CHRM5: variants seen among roughly 807,000 people sequenced by gnomAD.
CHRM5 encodes the protein cholinergic receptor muscarinic 5.
In CHRM5, 18 loss-of-function variants were observed where a neutral mutation model predicts 39.0. The ratio of observed to expected loss-of-function variants is 0.46; its 90% CI spans 0.32 to 0.68. The LOEUF is 0.68. Ranked by LOEUF, CHRM5 falls within the 30% of genes least tolerant of loss-of-function variation. The probability of loss-of-function intolerance (pLI) is 0.04; values close to 1 mark genes in which losing one functional copy is unlikely to be tolerated. For synonymous variants in CHRM5, 241 were observed against 246.3 expected (o/e 0.98, Z 0.20); for missense variants, 515 against 651.1 (o/e 0.79, Z 2.28).
In CHRM5 at chr15:34,067,378, T is replaced by C. The variant is rs987531421; in HGVS notation, c.*3062T>C. On this transcript the variant is annotated 3_prime_UTR_variant, in exon 3 of 3. Coordinates refer to ENST00000383263, the MANE Select transcript of CHRM5 (RefSeq NM_012125.4). ...CAGTTGTCTACTGTAAATACTGGAA[T>C]TACAGCAAAGGATATGGGGACTGGG... The C allele has an allele frequency of 3.3e-5, 5 of 152,212 alleles. No individual in the cohort carries two copies. Among genetic ancestry groups the C allele is most frequent in the African/African-American group, 1.2e-4 (5 of 41,454 alleles). The allele number at this position is 152,212 out of a possible 1,614,324, so 9.4% of individuals were successfully genotyped here. A position where few individuals can be genotyped will look rare whatever the true frequency, so the allele number is the denominator to read the frequency against.
intron 1 of CHRM5, among the ~76,000 whole-genome samples, chr15:34,007,918 T>A (rs1223997739): frequency 1.3e-5 from 2 of 152,192 alleles, no homozygotes; most frequent in Non-Finnish European, 2.9e-5. Flanking sequence ...CCTCTATGGG[T>A]GTGCATCTTC....
At chr15:33,970,660 ATAAT>A (rs1430422942) in intron 1 of CHRM5, among the ~76,000 whole-genome samples, 1 of 151,846 alleles carries the variant, frequency 6.6e-6, no homozygotes, top group African/African-American at 2.4e-5. Flanking sequence ...ATTTTAAATT[ATAAT>A]TAAAGATTTT....
chr15:34,029,405 G>A (rs911878713), intron 1 of CHRM5, among the ~76,000 whole-genome samples: 2 of 151,728 alleles, frequency 1.3e-5, no homozygotes, highest in Non-Finnish European at 2.9e-5. Context: ...TAGGAACCGG[G>A]CAAGGTGGCT....
At chr15:33,994,174 C>T (rs1298867182) in intron 1 of CHRM5, among the ~76,000 whole-genome samples, 3 of 152,192 alleles carry the variant, frequency 2.0e-5, no homozygotes, top group Non-Finnish European at 4.4e-5. Context: ...TATTTACAGC[C>T]ACTCCCTACT....
rs557906381 is a variant in CHRM5 at position 34,012,743 on chromosome 15, A to C, written c.-407-33797A>C. Among the ~76,000 whole-genome samples the C allele has an allele frequency of 3.8e-3, 572 of 152,330 alleles. 16 individuals carry two copies. The highest frequency in any genetic ancestry group is 0.035 in the Admixed American group (536 of 15,298). ...TCCAAACTCTCAAGTCGCCAGAGGAAGAGAACTTTAACAAGTAAAGCATTA... is the reference window on the plus strand; with the variant it reads ...TCCAAACTCTCAAGTCGCCAGAGGACGAGAACTTTAACAAGTAAAGCATTA... On this transcript the variant is annotated intron_variant, in intron 1 of 2. Coordinates refer to ENST00000383263, the MANE Select transcript of CHRM5 (RefSeq NM_012125.4).
Position 34,037,854 on chromosome 15 carries a change from T to G in CHRM5, c.-407-8686T>G, listed in dbSNP as rs543611472. ...CCTCAAGATATTGTAAATACTTCAG[T>G]AAGAGCAAATTTTGCCTCATGCAAA... On this transcript the variant is annotated intron_variant, in intron 1 of 2. Coordinates refer to ENST00000383263, the MANE Select transcript of CHRM5 (RefSeq NM_012125.4). Among the ~76,000 whole-genome samples the G allele has an allele frequency of 4.6e-5, 7 of 152,278 alleles. No individual in the cohort carries two copies. In the East Asian group the frequency reaches 7.7e-4, roughly 17 times the overall value.
intron 2 of CHRM5, among the ~76,000 whole-genome samples, chr15:34,049,372 G>C (rs1048616978): frequency 6.6e-6 from 1 of 152,128 alleles, no homozygotes; most frequent in Non-Finnish European, 1.5e-5. Flanking sequence ...CAGACCTAAT[G>C]GTGCTGAAAA....
At chr15:33,980,854 G>A (rs1012060923) in intron 1 of CHRM5, among the ~76,000 whole-genome samples, 2 of 152,078 alleles carry the variant, frequency 1.3e-5, no homozygotes, top group Admixed American at 6.6e-5. Context: ...ATACCATTCT[G>A]ACTTCAAAAT....
chr15:34,063,536 C>T lies in CHRM5; in HGVS notation c.819C>T (p.Ser273=). Residue 273 remains serine, a synonymous_variant, in exon 3 of 3, where the codon TCC becomes TCT. Coordinates refer to ENST00000383263, the MANE Select transcript of CHRM5 (RefSeq NM_012125.4). This position sits in a 1 kb window ranked among gnomAD's most constrained non-coding sequence, Gnocchi z 4.1. The stretch of plus-strand genomic sequence containing the variant: ...AAAGGAACCAGGCCTCCTGGTCATC[C>T]TCCCGCAGGAGCACCTCCACCACTG... ...QRERNQASWS[S]SRRSTSTTGK... 1 of 1,613,664 alleles carries T rather than the reference C, an allele frequency of 6.2e-7. No individual in the cohort carries two copies. Among genetic ancestry groups the T allele is most frequent in the East Asian group, 2.2e-5 (1 of 44,880 alleles).
chr15:33,986,946 C>T (rs575224787), intron 1 of CHRM5, among the ~76,000 whole-genome samples: 7 of 152,266 alleles, frequency 4.6e-5, no homozygotes, highest in East Asian at 1.9e-4. Flanking sequence ...CATGAGCCAC[C>T]GCGCCCAGCC....
intron 2 of CHRM5, among the ~76,000 whole-genome samples, chr15:34,047,259 A>G (rs1386434775): frequency 6.6e-6 from 1 of 151,874 alleles, no homozygotes; most frequent in African/African-American, 2.4e-5. Flanking sequence ...TTGTATTTTT[A>G]GTAGAGACGG....
intron 1 of CHRM5, among the ~76,000 whole-genome samples, chr15:34,035,629 G>A (rs566083622): frequency 1.3e-5 from 2 of 151,980 alleles, no homozygotes; most frequent in African/African-American, 2.4e-5. Context: ...TTAAGTACTC[G>A]ACAAATGTGA....
In CHRM5 at chr15:34,063,664, C is replaced by T; in HGVS notation, c.947C>T (p.Ala316Val). The change falls in exon 3 of 3, where the codon GCC (alanine) becomes GTC (valine). Residue 316 changes from alanine to valine, a missense_variant. Ala to Val is a moderately conservative substitution (Grantham distance 64). Transcript: ENST00000383263. This position sits in a 1 kb window ranked among gnomAD's most constrained non-coding sequence, Gnocchi z 4.1. ...YPSSEDEDKP[A>V]TDPVLQVVYK... ...TCCTCAGAGGATGAGGACAAGCCCG[C>T]CACTGACCCTGTCCTCCAAGTGGTC... 1 of 1,614,172 alleles carries T rather than the reference C, an allele frequency of 6.2e-7. No individual in the cohort carries two copies. Among genetic ancestry groups the T allele is most frequent in the South Asian group, 1.1e-5 (1 of 91,082 alleles).
intron 2 of CHRM5, among the ~76,000 whole-genome samples, chr15:34,047,313 A>G (rs1899740438): frequency 6.6e-6 from 1 of 152,090 alleles, no homozygotes; most frequent in South Asian, 2.1e-4. Context: ...TCCTGACCTG[A>G]TGATCCGCCC....
intron 1 of CHRM5, among the ~76,000 whole-genome samples, chr15:34,027,342 CTG>C (rs1898529383): frequency 6.6e-6 from 1 of 152,008 alleles, no homozygotes; most frequent in Admixed American, 6.6e-5. Flanking sequence ...TGGCGAAACT[CTG>C]TCTCTACTAA....
chr15:34,063,451 C>A lies in CHRM5; in HGVS notation c.734C>A (p.Ala245Asp). ...ACCAAAGCTGAGAAGAGAAAGCCAG[C>A]TCATAGGGCTCTGTTCAGATCCTGC... ...SVTKAEKRKP[A>D]HRALFRSCLR... The change falls in exon 3 of 3, where the codon GCT (alanine) becomes GAT (aspartate). Residue 245 changes from alanine (A) to aspartate (D), a missense_variant. Physicochemically the swap from Ala to Asp is moderately radical, Grantham distance 126. Coordinates refer to ENST00000383263, the MANE Select transcript of CHRM5 (RefSeq NM_012125.4). This position sits in a 1 kb window ranked among gnomAD's most constrained non-coding sequence, Gnocchi z 4.1. 6.2e-7 allele frequency: 1 copy of A among 1,613,870 alleles called. No individual in the cohort carries two copies. The highest frequency in any genetic ancestry group is 2.2e-5 in the East Asian group (1 of 44,886).
intron 1 of CHRM5, among the ~76,000 whole-genome samples, chr15:33,980,703 T>C (rs1896099226): frequency 6.6e-6 from 1 of 152,160 alleles, no homozygotes; most frequent in Non-Finnish European, 1.5e-5. Context: ...TTGGCCCATT[T>C]ATCATTATCT....
Position 34,062,927 on chromosome 15 carries a change from C to T in CHRM5, c.210C>T (p.Leu70=), listed in dbSNP as rs550606933. 1 of 1,614,200 alleles carries T rather than the reference C, an allele frequency of 6.2e-7. No individual in the cohort carries two copies. The highest frequency in any genetic ancestry group is 1.3e-5 in the African/African-American group (1 of 75,038). The change falls in exon 3 of 3, where the codon CTC becomes CTT. Residue 70 remains leucine, a synonymous_variant. Coordinates refer to ENST00000383263, the MANE Select transcript of CHRM5 (RefSeq NM_012125.4). The part of the protein sequence containing the change: ...QLKTVNNYYL[L]SLACADLIIG... ...AGACAGTTAACAACTATTACCTGCTCAGCTTAGCCTGTGCAGATCTCATCA... is the reference window on the plus strand; with the variant it reads ...AGACAGTTAACAACTATTACCTGCTTAGCTTAGCCTGTGCAGATCTCATCA...
intron 1 of CHRM5, among the ~76,000 whole-genome samples, chr15:33,997,819 G>A (rs7182790): frequency 0.19 from 29,432 of 151,628 alleles, 4,160 homozygotes; most frequent in African/African-American, 0.4. Flanking sequence ...CTACCCTTCC[G>A]TCCGGTCTTT....
Sources: gnomAD v4.1 joint callset for allele counts (sites outside exome capture counted in the v4.1 genomes callset) on GRCh38, gnomAD v4.1.1 for gene constraint, Gnocchi (gnomAD v3.1) non-coding constraint, MANE v1.5 for transcripts, NCBI Gene and HGNC (gene_info 2026-07-23, HGNC 2026-07-21) for gene names.